Variants in RGS12 observed in about 807,000 individuals in gnomAD.
RGS12 encodes the protein regulator of G-protein signaling 12.
Under a neutral mutation model 120.1 loss-of-function variants are expected in RGS12, and 66 were observed. The observed-to-expected ratio is 0.55, with a 90% CI of 0.45 to 0.67. The LOEUF is 0.67. Among genes scored for constraint, RGS12 ranks in the 30% least tolerant of loss-of-function variants. The pLI, the probability that RGS12 is intolerant of heterozygous loss-of-function variation, is 0.00. For synonymous variants in RGS12, 827 were observed against 804.7 expected, an observed-to-expected ratio of 1.03 and a Z score of -0.47; for missense variants, 1,859 against 1,957.7, an observed-to-expected ratio of 0.95 and a Z score of 0.95.
At chr4:3,434,324 C>T (rs1159269637) in intron 17 of RGS12, among the ~76,000 whole-genome samples, 1 of 152,188 alleles carries the variant, frequency 6.6e-6, no homozygotes, top group Non-Finnish European at 1.5e-5. Flanking sequence ...CCTGGTCCCA[C>T]CCTTGATACC....
chr4:3,332,716 C>G (rs1711997966), intron 2 of RGS12, among the ~76,000 whole-genome samples: 1 of 152,240 alleles, frequency 6.6e-6, no homozygotes, highest in Admixed American at 6.5e-5. Context: ...CTGTTAGTCC[C>G]TGGCTGGTTG....
At chr4:3,297,330 G>C (rs1449492494) in intron 1 of RGS12, among the ~76,000 whole-genome samples, 2 of 152,190 alleles carry the variant, frequency 1.3e-5, no homozygotes, top group African/African-American at 4.8e-5. Context: ...GCATTCTCCT[G>C]CCCTGCCTGG....
At chr4:3,423,289 G>C (rs1322998624) in intron 12 of RGS12, among the ~76,000 whole-genome samples, 1 of 152,216 alleles carries the variant, frequency 6.6e-6, no homozygotes, top group Non-Finnish European at 1.5e-5. Flanking sequence ...AGGTAGCCAG[G>C]CTGCTGTGCA....
chr4:3,322,706 AG>A (rs1423742078), intron 2 of RGS12, among the ~76,000 whole-genome samples: 2 of 152,200 alleles, frequency 1.3e-5, no homozygotes, highest in African/African-American at 4.8e-5. Context: ...TGATATGTAA[AG>A]GATTGATTGG....
intron 4 of RGS12, among the ~76,000 whole-genome samples, chr4:3,399,583 G>A (rs13435851): frequency 0.05 from 7,675 of 152,284 alleles, 611 homozygotes; most frequent in African/African-American, 0.17. Context: ...CTGTACATTT[G>A]ATTAACCGGA....
intron 3 of RGS12, among the ~76,000 whole-genome samples, chr4:3,363,153 G>T (rs1715899882): frequency 6.6e-6 from 1 of 151,900 alleles, no homozygotes; most frequent in South Asian, 2.1e-4. Context: ...GTGTGCGCGA[G>T]GGCGTGTGTG....
intron 2 of RGS12, among the ~76,000 whole-genome samples, chr4:3,318,337 G>C (rs1310047072): frequency 6.6e-6 from 1 of 152,186 alleles, no homozygotes; most frequent in Non-Finnish European, 1.5e-5. Context: ...GAGGGAAGTT[G>C]TTGTCTTGGA....
rs980372802 is a variant in RGS12, at chr4:3,433,265, G to T, written c.4114+2310G>T. Among the ~76,000 whole-genome samples, 3 of 152,186 alleles carry T rather than the reference G, an allele frequency of 2.0e-5. No homozygotes were observed. The highest frequency in any genetic ancestry group is 6.5e-5 in the Admixed American group (1 of 15,286). On this transcript the variant is annotated intron_variant, in intron 17 of 17. Coordinates refer to ENST00000336727, the MANE Select transcript of RGS12 (RefSeq NM_001394154.1). The surrounding 1 kb of genome is among the most constrained non-coding windows in gnomAD (Gnocchi z 4.4). ...GGCAGCCGCCCTGGACCCAGCGTCC[G>T]GGGTGAGAAACACAACAGGAGGTGT... is the stretch of plus-strand genomic sequence containing the variant.
At chr4:3,368,173 A>G (rs549139389) in intron 3 of RGS12, among the ~76,000 whole-genome samples, 1 of 152,262 alleles carries the variant, frequency 6.6e-6, no homozygotes, top group East Asian at 1.9e-4. Flanking sequence ...CCTGGAGACC[A>G]CTGTCTCCTC....
intron 2 of RGS12, among the ~76,000 whole-genome samples, chr4:3,337,181 A>G (rs367843978): frequency 6.6e-6 from 1 of 152,324 alleles, no homozygotes; most frequent in African/African-American, 2.4e-5. Context: ...GATGGCTACT[A>G]TAAAACAACT....
rs1721408465 is a variant in RGS12 at position 3,408,618 on chromosome 4, A to C, written c.2021-5454A>C. ...CTGTCCTTTGCGAATCGCTGGACTCAGTGCCTGGACTCAGGAGGGTCCACG... is the reference window on the plus strand; with the variant it reads ...CTGTCCTTTGCGAATCGCTGGACTCCGTGCCTGGACTCAGGAGGGTCCACG... On this transcript the variant is annotated intron_variant, in intron 4 of 17. Transcript: ENST00000336727. Among the ~76,000 whole-genome samples, 4 of 152,312 alleles carry C rather than the reference A, an allele frequency of 2.6e-5. No individual in the cohort carries two copies. In the South Asian group the frequency reaches 8.3e-4, roughly 32 times the overall value.
intron 1 of RGS12, among the ~76,000 whole-genome samples, chr4:3,297,023 G>A (rs1290674482): frequency 6.6e-6 from 1 of 152,188 alleles, no homozygotes; most frequent in Non-Finnish European, 1.5e-5. Flanking sequence ...CTCTTGCCTC[G>A]GGCTCCGGGC....
chr4:3,420,510 G>A (rs1722889641), intron 9 of RGS12, 132 bp from the exon 10 acceptor site: 5 of 820,162 alleles, frequency 6.1e-6, no homozygotes, highest in Non-Finnish European at 1.0e-5. Flanking sequence ...GCAAAGTGAT[G>A]CCTGGTGGGG....
In RGS12 at chr4:3,395,515, A is replaced by G. The variant is rs182114306; in HGVS notation, c.2020+9078A>G. On this transcript the variant is annotated intron_variant, in intron 4 of 17. Transcript: ENST00000336727. ...GTTTGTATATATTCACCTATAGTAAATACTGCCAATTTCCAAATGATTTTT... is the reference window on the plus strand; with the variant it reads ...GTTTGTATATATTCACCTATAGTAAGTACTGCCAATTTCCAAATGATTTTT... Among the ~76,000 whole-genome samples the G allele has an allele frequency of 6.4e-4, 97 of 152,308 alleles. No homozygotes were observed. In the East Asian group the frequency reaches 0.017, roughly 27 times the overall value.
intron 4 of RGS12, among the ~76,000 whole-genome samples, chr4:3,406,200 C>T (rs1269838185): frequency 6.6e-6 from 1 of 152,336 alleles, no homozygotes; most frequent in East Asian, 1.9e-4. Flanking sequence ...GAGTGCAGAA[C>T]TCCGGCCAGG....
chr4:3,300,658 C>T (rs1263287327), intron 1 of RGS12, among the ~76,000 whole-genome samples: 1 of 152,222 alleles, frequency 6.6e-6, no homozygotes, highest in Non-Finnish European at 1.5e-5. Context: ...CTTCCTGCCT[C>T]TCCCAGCTTC....
chr4:3,298,473 C>T (rs936683188), intron 1 of RGS12, among the ~76,000 whole-genome samples: 3 of 152,204 alleles, frequency 2.0e-5, no homozygotes, highest in African/African-American at 7.2e-5. Flanking sequence ...GCCTCAACCT[C>T]CTGAGTAGCT....
At chr4:3,334,300 T>C (rs1163411412) in intron 2 of RGS12, among the ~76,000 whole-genome samples, 1 of 152,262 alleles carries the variant, frequency 6.6e-6, no homozygotes, top group Non-Finnish European at 1.5e-5. Context: ...ATTGAGATCA[T>C]GTTTCTGCCT....
chr4:3,411,619 T>C (rs1721741322), intron 4 of RGS12, among the ~76,000 whole-genome samples: 1 of 152,234 alleles, frequency 6.6e-6, no homozygotes, highest in Non-Finnish European at 1.5e-5. Flanking sequence ...GATGTTTTGC[T>C]CCTCACTTCC....
Sources: allele counts gnomAD v4.1 joint callset (sites outside exome capture counted in the v4.1 genomes callset), GRCh38; gene constraint gnomAD v4.1.1; non-coding constraint Gnocchi (gnomAD v3.1); transcripts MANE v1.5; gene names NCBI Gene and HGNC (gene_info 2026-07-23, HGNC 2026-07-21).